The following KHDRBS3 variants were observed in gnomAD, a reference collection of about 807,000 sequenced individuals.
The protein encoded by KHDRBS3 is KH domain-containing, RNA-binding, signal transduction-associated protein 3.
KHDRBS3 carries 23 observed loss-of-function variants against 45.6 expected under a neutral mutation model. That is an observed-to-expected ratio of 0.50 (90% confidence interval 0.36 to 0.72). KHDRBS3 has a LOEUF of 0.72. Ranked by LOEUF, KHDRBS3 falls within the 30% of genes least tolerant of loss-of-function variation. KHDRBS3 has a pLI of 0.00. For synonymous variants in KHDRBS3, 162 were observed against 156.5 expected, an observed-to-expected ratio of 1.04 and a Z score of -0.26; for missense variants, 352 against 424.8, an observed-to-expected ratio of 0.83 and a Z score of 1.51.
At chr8:135,591,028 AT>A (rs1217806581) in intron 6 of KHDRBS3, among the ~76,000 whole-genome samples, 2 of 152,234 alleles carry the variant, frequency 1.3e-5, no homozygotes, top group African/African-American at 2.4e-5. Context: ...GATATTTTTT[AT>A]TCTTTGATTA....
At chr8:135,637,794 C>T (rs2131167636) in intron 7 of KHDRBS3, among the ~76,000 whole-genome samples, 1 of 152,244 alleles carries the variant, frequency 6.6e-6, no homozygotes, top group South Asian at 2.1e-4. Flanking sequence ...TGTCTTCTGT[C>T]TCAGTTTTCT....
chr8:135,558,259 TGA>T (rs1826988543), intron 5 of KHDRBS3, among the ~76,000 whole-genome samples: 1 of 151,994 alleles, frequency 6.6e-6, no homozygotes, highest in African/African-American at 2.4e-5. Context: ...CTTGGATTGG[TGA>T]TTAATGTTAA....
At chr8:135,459,314 G>A (rs1377329217) in intron 1 of KHDRBS3, among the ~76,000 whole-genome samples, 1 of 152,112 alleles carries the variant, frequency 6.6e-6, no homozygotes, top group Non-Finnish European at 1.5e-5. Context: ...AAGAATATTT[G>A]AATTGTTGAA....
At chr8:135,649,026 C>G (rs1403027784), downstream of KHDRBS3, among the ~76,000 whole-genome samples, 2 of 152,010 alleles carry the variant, frequency 1.3e-5, no homozygotes, top group African/African-American at 2.4e-5. Context: ...CAGTATTTAT[C>G]TTAGTCTTAT....
chr8:135,513,698 C>G (rs1227378847), intron 1 of KHDRBS3, among the ~76,000 whole-genome samples: 1 of 151,994 alleles, frequency 6.6e-6, no homozygotes, highest in Non-Finnish European at 1.5e-5. Flanking sequence ...TTATTTTTAT[C>G]TCTTCAATTT....
chr8:135,586,174 A>G (rs757015776), intron 6 of KHDRBS3, among the ~76,000 whole-genome samples: 5 of 152,172 alleles, frequency 3.3e-5, no homozygotes, highest in Admixed American at 6.5e-5. Context: ...ATAACCACCT[A>G]CTATGATCTC....
intron 1 of KHDRBS3, among the ~76,000 whole-genome samples, chr8:135,506,948 T>C (rs1311073590): frequency 6.6e-6 from 1 of 152,206 alleles, no homozygotes; most frequent in Non-Finnish European, 1.5e-5. Flanking sequence ...TTTCGTTTAT[T>C]TCAGCTGGCT....
intron 7 of KHDRBS3, 139 bp from the exon 8 acceptor site, chr8:135,644,918 CTG>C (rs1326659723): frequency 3.7e-6 from 3 of 819,924 alleles, no homozygotes; most frequent in Non-Finnish European, 5.8e-6. Flanking sequence ...CTTTAGAACT[CTG>C]TGATCTCGGT....
intron 1 of KHDRBS3, among the ~76,000 whole-genome samples, chr8:135,483,762 A>G (rs1000653715): frequency 5.3e-5 from 8 of 152,080 alleles, no homozygotes; most frequent in African/African-American, 1.9e-4. Context: ...ATTTGGAGAT[A>G]CTTGGAGTGT....
chr8:135,465,920 G>A (rs950661460), intron 1 of KHDRBS3, among the ~76,000 whole-genome samples: 1 of 152,062 alleles, frequency 6.6e-6, no homozygotes, highest in African/African-American at 2.4e-5. Flanking sequence ...CTGTTGATTC[G>A]TGCTCCCATG....
intron 6 of KHDRBS3, among the ~76,000 whole-genome samples, chr8:135,605,529 A>G (rs980939820): frequency 4.6e-5 from 7 of 152,098 alleles, no homozygotes; most frequent in African/African-American, 1.7e-4. Context: ...TTGATGAGAC[A>G]CTGTTCTTAT....
intron 7 of KHDRBS3, among the ~76,000 whole-genome samples, chr8:135,636,961 C>T (rs763238789): frequency 1.3e-5 from 2 of 152,162 alleles, no homozygotes; most frequent in Non-Finnish European, 2.9e-5. Context: ...TGACAGTAGT[C>T]GTAGCAGTGG....
intron 1 of KHDRBS3, among the ~76,000 whole-genome samples, chr8:135,515,731 C>A (rs568763261): frequency 6.6e-6 from 1 of 152,258 alleles, no homozygotes; most frequent in Admixed American, 6.5e-5. Context: ...CATCAGGCTA[C>A]CATATTAGTC....
At chr8:135,616,977 TA>T (rs151162553) in intron 7 of KHDRBS3, among the ~76,000 whole-genome samples, 1 of 151,996 alleles carries the variant, frequency 6.6e-6, no homozygotes, top group Non-Finnish European at 1.5e-5. Context: ...TTATTGTTAG[TA>T]AAAAAAGACA....
chr8:135,550,913 T>G (rs1826557939), intron 4 of KHDRBS3, among the ~76,000 whole-genome samples: 1 of 152,194 alleles, frequency 6.6e-6, no homozygotes, highest in Non-Finnish European at 1.5e-5. Context: ...CAACAGTGTT[T>G]TATAGTGTTC....
At chr8:135,496,526 C>G (rs1823457514) in intron 1 of KHDRBS3, among the ~76,000 whole-genome samples, 1 of 151,398 alleles carries the variant, frequency 6.6e-6, no homozygotes. Context: ...AGCCACCATA[C>G]CTGGCACAAG....
intron 1 of KHDRBS3, among the ~76,000 whole-genome samples, chr8:135,462,874 T>A (rs536616300): frequency 1.3e-5 from 2 of 152,322 alleles, no homozygotes; most frequent in African/African-American, 4.8e-5. Flanking sequence ...GGCCAACCTG[T>A]GATGGTATAA....
Position 135,457,823 on chromosome 8 carries a change from C to T in KHDRBS3, c.-44C>T, listed in dbSNP as rs760802966. On this transcript the variant is annotated 5_prime_UTR_variant, in exon 1 of 9. Transcript: ENST00000355849. This position sits in a 1 kb window ranked among gnomAD's most constrained non-coding sequence, Gnocchi z 4.4. ...GTCGGGGGTTGCCGGGCGCCGCCCC[C>T]CGTGCGCCTGGAGTCCACATCCCGG... is the stretch of plus-strand genomic sequence containing the variant. 8.0e-6 allele frequency: 11 copies of T among 1,370,790 alleles called. No homozygotes were observed. The Admixed American group carries it at 2.7e-4, about 33-fold the overall frequency. The allele number at this position is 1,370,790 out of a possible 1,614,324, so 84.9% of individuals were successfully genotyped here.
intron 1 of KHDRBS3, among the ~76,000 whole-genome samples, chr8:135,520,407 A>G (rs577915794): frequency 6.6e-6 from 1 of 152,334 alleles, no homozygotes; most frequent in East Asian, 1.9e-4. Flanking sequence ...ATTTTATGCT[A>G]AAATTTTCTA....
Sources: allele counts gnomAD v4.1 joint callset (sites outside exome capture counted in the v4.1 genomes callset), GRCh38; gene constraint gnomAD v4.1.1; non-coding constraint Gnocchi (gnomAD v3.1); transcripts MANE v1.5; gene names NCBI Gene and HGNC (gene_info 2026-07-23, HGNC 2026-07-21).